The following GABRA3 variants were observed in gnomAD, a reference collection of about 807,000 sequenced individuals.
The protein encoded by GABRA3 is gamma-aminobutyric acid receptor subunit alpha-3.
Under a neutral mutation model 30.1 loss-of-function variants are expected in GABRA3, and 10 were observed. The ratio of observed to expected loss-of-function variants is 0.33; its 90% CI spans 0.20 to 0.56. GABRA3 has a LOEUF of 0.56. Among genes scored for constraint, GABRA3 ranks in the 20% least tolerant of loss-of-function variants. The probability of loss-of-function intolerance (pLI) is 0.89; values close to 1 mark genes in which losing one functional copy is unlikely to be tolerated. For missense variants in GABRA3, 233 were observed against 392.0 expected, an observed-to-expected ratio of 0.59 and a Z score of 3.42; for synonymous variants, 151 against 146.8, an observed-to-expected ratio of 1.03 and a Z score of -0.21.
At chrX:152,183,931 CTTTT>C (rs1937219621) in intron 9 of GABRA3, among the ~76,000 whole-genome samples, 1 of 110,940 alleles carries the variant, frequency 9.0e-6, no homozygotes, top group South Asian at 3.7e-4. Context: ...TATAATTTTT[CTTTT>C]TAAGTTTGGA....
intron 3 of GABRA3, among the ~76,000 whole-genome samples, chrX:152,320,959 C>A (rs1939954618): frequency 9.0e-6 from 1 of 111,536 alleles, no homozygotes; most frequent in African/African-American, 3.3e-5. Flanking sequence ...CTAAAATAAA[C>A]AAAAAACATT....
chrX:152,289,359 T>A (rs766675260), intron 3 of GABRA3, among the ~76,000 whole-genome samples: 1 of 109,347 alleles, frequency 9.1e-6, no homozygotes, highest in South Asian at 3.9e-4. Flanking sequence ...GAAAAAAAAA[T>A]ATATATTTAA....
chrX:152,181,441 C>G (rs1460218014), intron 9 of GABRA3, among the ~76,000 whole-genome samples: 2 of 110,712 alleles, frequency 1.8e-5, no homozygotes, highest in African/African-American at 6.6e-5. Flanking sequence ...CTTTTCTTTT[C>G]TTTTCTTTTT....
intron 5 of GABRA3, among the ~76,000 whole-genome samples, chrX:152,247,409 T>G (rs989516693): frequency 1.3e-4 from 14 of 111,311 alleles, no homozygotes; most frequent in Non-Finnish European, 1.3e-4. Flanking sequence ...ATTTGTTATT[T>G]AAAATTGATA....
intron 5 of GABRA3, among the ~76,000 whole-genome samples, chrX:152,233,980 G>T (rs1227515160): frequency 2.0e-5 from 2 of 100,794 alleles, no homozygotes; most frequent in African/African-American, 3.6e-5. Flanking sequence ...CTCACTCATA[G>T]GTGGGAATTG....
intron 7 of GABRA3, among the ~76,000 whole-genome samples, chrX:152,207,342 G>T (rs1603209126): frequency 8.9e-6 from 1 of 111,840 alleles, no homozygotes; most frequent in South Asian, 3.8e-4. Flanking sequence ...ACATTCTAAG[G>T]TTAGTTGAGA....
At chrX:152,225,416 A>G (rs905147756) in intron 5 of GABRA3, among the ~76,000 whole-genome samples, 5 of 62,134 alleles carry the variant, frequency 8.0e-5, no homozygotes, top group African/African-American at 2.6e-4. Flanking sequence ...ACACACACAC[A>G]CGCACACACA....
chrX:152,183,130 A>AT (rs1230972539), intron 9 of GABRA3, among the ~76,000 whole-genome samples: 1 of 109,379 alleles, frequency 9.1e-6, no homozygotes, highest in Non-Finnish European at 1.9e-5. Context: ...TTTGAGAATG[A>AT]TTGGTATTAG....
chrX:152,284,240 T>C (rs908047956), intron 4 of GABRA3, among the ~76,000 whole-genome samples: 4 of 111,649 alleles, frequency 3.6e-5, no homozygotes, highest in Non-Finnish European at 7.5e-5. Flanking sequence ...ATGTCCCTAG[T>C]GGATGAAACC....
intron 3 of GABRA3, among the ~76,000 whole-genome samples, chrX:152,295,046 G>A (rs893021067): frequency 3.6e-5 from 4 of 111,351 alleles, no homozygotes; most frequent in Non-Finnish European, 7.5e-5. Flanking sequence ...GAATATTGCT[G>A]CCTGATTCTT....
intron 4 of GABRA3, among the ~76,000 whole-genome samples, chrX:152,272,669 T>C (rs1424743551): frequency 4.5e-5 from 5 of 111,719 alleles, no homozygotes; most frequent in African/African-American, 1.6e-4. Flanking sequence ...TGATATGGTA[T>C]GGCTGTGTCT....
rs1160521326 is a variant in GABRA3, at chrX:152,239,726, T to A, written c.552-14881A>T. ...AGGATAGTTAGCTCTTCTTGTTGAA[T>A]TGATCCCTTTACCATTATGTAATGG... On this transcript the variant is annotated intron_variant, in intron 5 of 9. Transcript: ENST00000370314. 3.0e-5 allele frequency among the ~76,000 whole-genome samples: 3 copies of A among 100,766 alleles called. 1 individual carries two copies. In the South Asian group the frequency reaches 1.4e-3, roughly 47 times the overall value. The allele number at this position is 100,766 out of a possible 115,157, so 87.5% of individuals were successfully genotyped here. A position where few individuals can be genotyped will look rare whatever the true frequency, so the allele number is the denominator to read the frequency against.
intron 3 of GABRA3, among the ~76,000 whole-genome samples, chrX:152,343,147 C>A (rs997698388): frequency 2.7e-5 from 3 of 111,188 alleles, no homozygotes; most frequent in Non-Finnish European, 5.7e-5. Flanking sequence ...AATTAATAAC[C>A]TTGGCCTCCC....
chrX:152,427,650 C>T (rs189993608), intron 1 of GABRA3, among the ~76,000 whole-genome samples: 1 of 111,588 alleles, frequency 9.0e-6, no homozygotes, highest in Non-Finnish European at 1.9e-5. Context: ...TTTTAGATTG[C>T]GAACTCCAAA....
At position 152,256,008 on chromosome X, in the gene GABRA3, A is replaced by G. The variant is rs1938630712; in HGVS notation, c.331-10T>C. ...CATCAATAGTGTACTCCTAGGGGTG[A>G]AAAGAGAGAAAACAATGTTTCAGTT... On this transcript the variant is annotated splice_polypyrimidine_tract_variant and intron_variant, in intron 4 of 9. Coordinates refer to ENST00000370314, the MANE Select transcript of GABRA3 (RefSeq NM_000808.4). 8.8e-7 allele frequency: 1 copy of G among 1,139,660 alleles called. No individual in the cohort carries two copies. Among genetic ancestry groups the G allele is most frequent in the Admixed American group, 2.2e-5 (1 of 45,047 alleles). The allele number at this position is 1,139,660 out of a possible 1,213,427, so 93.9% of individuals were successfully genotyped here. A position where few individuals can be genotyped will look rare whatever the true frequency, so the allele number is the denominator to read the frequency against.
chrX:152,192,649 T>C (rs991586331), intron 8 of GABRA3, among the ~76,000 whole-genome samples: 1 of 111,542 alleles, frequency 9.0e-6, no homozygotes, highest in African/African-American at 3.3e-5. Flanking sequence ...GACCACAGCA[T>C]TCAAAATGAG....
At chrX:152,183,992 T>C (rs1280105205) in intron 9 of GABRA3, among the ~76,000 whole-genome samples, 1 of 111,010 alleles carries the variant, frequency 9.0e-6, no homozygotes, top group Non-Finnish European at 1.9e-5. Context: ...TCCTTTCACA[T>C]TCTTTTTTTT....
chrX:152,258,907 A>G (rs1385190486), intron 4 of GABRA3, among the ~76,000 whole-genome samples: 2 of 112,100 alleles, frequency 1.8e-5, no homozygotes, highest in African/African-American at 3.2e-5. Context: ...CTTCATAGGA[A>G]TTAAAAATCA....
Position 152,364,526 on chromosome X carries a change from C to T in GABRA3, c.45G>A (p.Gly15=). ...QTSHCYMTSL[G]ILFLINILPG... ...GGAGAATATTAATCAGGAAAAGAAT[C>T]CCAAGGCTGGTCATGTAACAGTGAC... Residue 15 remains glycine, a synonymous_variant, in exon 2 of 10, where the codon GGG becomes GGA. Coordinates refer to ENST00000370314, the MANE Select transcript of GABRA3 (RefSeq NM_000808.4). The T allele has an allele frequency of 8.3e-7, 1 of 1,208,878 alleles. No homozygotes were observed. Among genetic ancestry groups the T allele is most frequent in the Non-Finnish European group, 1.1e-6 (1 of 893,684 alleles).
Sources: gnomAD v4.1 joint callset for allele counts (sites outside exome capture counted in the v4.1 genomes callset) on GRCh38, gnomAD v4.1.1 for gene constraint, MANE v1.5 for transcripts, NCBI Gene and HGNC (gene_info 2026-07-23, HGNC 2026-07-21) for gene names.